Variants in NSF observed in about 807,000 individuals in gnomAD.
The protein encoded by NSF is vesicle-fusing ATPase.
A neutral mutation model predicts 50.3 loss-of-function variants in NSF; 14 were observed. The observed-to-expected ratio is 0.28, with a 90% confidence interval of 0.18 to 0.44. The LOEUF (loss-of-function observed/expected upper bound fraction) is 0.44. NSF is among the 20% of genes least tolerant of loss of function. The pLI is 1.00. For missense variants in NSF, 218 were observed against 504.3 expected (o/e 0.43, Z 5.44); for synonymous variants, 109 against 175.7 (o/e 0.62, Z 3.00).
intron 9 of NSF, among the ~76,000 whole-genome samples, chr17:46,679,255 C>CA (rs1469743121): frequency 2.0e-5 from 3 of 148,550 alleles, no homozygotes; most frequent in African/African-American, 7.5e-5. Flanking sequence ...CGTAGGCGTT[C>CA]ATTTTGTGAC....
intron 14 of NSF, among the ~76,000 whole-genome samples, 185 bp downstream of exon 14, chr17:46,711,304 T>C (rs148100924): frequency 1.3e-5 from 2 of 152,354 alleles, no homozygotes; most frequent in East Asian, 3.9e-4. Context: ...TGGGGTAGAA[T>C]GTTAGTGAGG....
At chr17:46,741,039 G>T (rs1568057240) in intron 17 of NSF, among the ~76,000 whole-genome samples, 1 of 152,082 alleles carries the variant, frequency 6.6e-6, no homozygotes, top group Non-Finnish European at 1.5e-5. Flanking sequence ...TGGGGGCAGG[G>T]GCAAGAGTGG....
At position 46,656,073 on chromosome 17, in the gene NSF, C is replaced by T. The variant is rs867792708; in HGVS notation, c.745+12814C>T. 2.7e-3 allele frequency among the ~76,000 whole-genome samples: 26 copies of T among 9,686 alleles called. 1 individual carries two copies. The highest frequency in any genetic ancestry group is 0.083 in the Middle Eastern group (1 of 12). The allele number at this position is 9,686 out of a possible 152,430, so 6.4% of individuals were successfully genotyped here. On this transcript the variant is annotated intron_variant, in intron 8 of 20. Transcript: ENST00000398238. ...TTACTTGAATGCTATTTTTGCCCCTCTCGCTATTATTAAACCCTTTGCTTC... is the reference window on the plus strand; with the variant it reads ...TTACTTGAATGCTATTTTTGCCCCTTTCGCTATTATTAAACCCTTTGCTTC...
intron 13 of NSF, 101 bp from the exon 14 acceptor site, chr17:46,710,862 G>C (rs574162216): frequency 1.7e-5 from 17 of 992,382 alleles, no homozygotes; most frequent in Non-Finnish European, 2.3e-5. Flanking sequence ...ATATGGGATA[G>C]TGATCAATAC....
intron 1 of NSF, among the ~76,000 whole-genome samples, chr17:46,605,494 C>G (rs1374892934): frequency 7.0e-6 from 1 of 143,108 alleles, no homozygotes; most frequent in African/African-American, 2.6e-5. Context: ...TTACCTTCAA[C>G]AAGTATTTGG....
At chr17:46,735,013 G>A (rs906465849) in intron 17 of NSF, among the ~76,000 whole-genome samples, 16 of 152,102 alleles carry the variant, frequency 1.1e-4, no homozygotes, top group Admixed American at 7.9e-4. Flanking sequence ...TCTTACCACC[G>A]CACTCTAGCC....
chr17:46,731,870 T>C (rs181099522), intron 17 of NSF, among the ~76,000 whole-genome samples: 14 of 152,336 alleles, frequency 9.2e-5, no homozygotes, highest in Non-Finnish European at 1.8e-4. Flanking sequence ...CTAGTTGGCA[T>C]GTATTTAACA....
intron 1 of NSF, among the ~76,000 whole-genome samples, chr17:46,610,116 TC>T (rs1340608602): frequency 6.5e-5 from 8 of 122,614 alleles, no homozygotes; most frequent in African/African-American, 2.4e-4. Flanking sequence ...TCTCTCTCTC[TC>T]TCTCTCTCTT....
intron 17 of NSF, among the ~76,000 whole-genome samples, chr17:46,730,628 G>A (rs1352441072): frequency 6.6e-6 from 1 of 152,094 alleles, no homozygotes; most frequent in South Asian, 2.1e-4. Context: ...TGGCATAGAG[G>A]CTTATACGTA....
chr17:46,725,694 G>A (rs2058881893), intron 15 of NSF, among the ~76,000 whole-genome samples: 1 of 152,142 alleles, frequency 6.6e-6, no homozygotes, highest in African/African-American at 2.4e-5. Context: ...CAAGCAAGAT[G>A]TTGGTGCGGG....
At chr17:46,593,166 C>CAA (rs1189199173) in intron 1 of NSF, among the ~76,000 whole-genome samples, 1 of 33,388 alleles carries the variant, frequency 3.0e-5, no homozygotes, top group Non-Finnish European at 6.3e-5. Flanking sequence ...TTCATTTTTA[C>CAA]CTCCTTTTCC....
intron 8 of NSF, among the ~76,000 whole-genome samples, chr17:46,657,685 A>G (rs1486639344): frequency 8.8e-6 from 1 of 113,024 alleles, no homozygotes; most frequent in Non-Finnish European, 1.8e-5. Flanking sequence ...GGCTCCTCAT[A>G]GCCCTTTTTA....
At chr17:46,740,945 C>G (rs2059065048) in intron 17 of NSF, among the ~76,000 whole-genome samples, 1 of 152,118 alleles carries the variant, frequency 6.6e-6, no homozygotes, top group African/African-American at 2.4e-5. Flanking sequence ...ACCTTTTCTC[C>G]TAAGAGCACA....
At chr17:46,710,913 A>G (rs761012494) in intron 13 of NSF, 50 bp from the exon 14 acceptor site, 17 of 1,500,526 alleles carry the variant, frequency 1.1e-5, no homozygotes, top group African/African-American at 1.4e-5. Context: ...TTATACTGTT[A>G]GTTTTTAACA....
At chr17:46,724,807 C>T (rs1254648902) in intron 15 of NSF, among the ~76,000 whole-genome samples, 1 of 151,968 alleles carries the variant, frequency 6.6e-6, no homozygotes, top group African/African-American at 2.4e-5. Context: ...CACTCCAAGA[C>T]TCAATCCTTA....
chr17:46,756,987 G>C lies in NSF; in HGVS notation c.*1164G>C, dbSNP rs1008508044. 11 of 152,422 alleles carry C rather than the reference G, an allele frequency of 7.2e-5. No homozygotes were observed. The highest frequency in any genetic ancestry group is 6.5e-4 in the Admixed American group (10 of 15,300). 9.4% of individuals were successfully genotyped at this position (152,422 alleles called of 1,614,324 possible). ...TATTTGGTGATGAGACTTATGGAGT[G>C]TGCCTCTCTCTCCCAACTGCTGCTT... On this transcript the variant is annotated 3_prime_UTR_variant, in exon 21 of 21. Transcript: ENST00000398238.
chr17:46,712,028 T>C (rs1275451722), intron 14 of NSF, among the ~76,000 whole-genome samples: 1 of 152,158 alleles, frequency 6.6e-6, no homozygotes, highest in African/African-American at 2.4e-5. Context: ...ATTTGTAGGA[T>C]TTTAAGCAGT....
At chr17:46,751,378 G>T in intron 18 of NSF, 125 bp from the exon 19 acceptor site, 1 of 695,272 alleles carries the variant, frequency 1.4e-6, no homozygotes, top group South Asian at 1.9e-5. Context: ...TAAAGTAGGA[G>T]AGAATTCTAT....
chr17:46,679,611 G>A (rs2058434361), intron 9 of NSF, among the ~76,000 whole-genome samples: 1 of 136,000 alleles, frequency 7.4e-6, no homozygotes, highest in Admixed American at 7.4e-5. Context: ...AGAATTGCTT[G>A]AACCCGGGAG....
Sources: gnomAD v4.1 joint callset for allele counts (sites outside exome capture counted in the v4.1 genomes callset) on GRCh38, gnomAD v4.1.1 for gene constraint, MANE v1.5 for transcripts, NCBI Gene and HGNC (gene_info 2026-07-23, HGNC 2026-07-21) for gene names.